MAN2A2: variants seen among roughly 807,000 people sequenced by gnomAD.
MAN2A2 encodes the protein alpha-mannosidase 2x.
MAN2A2 carries 79 observed loss-of-function variants against 126.8 expected under a neutral mutation model. That is an observed-to-expected ratio of 0.62 (90% CI 0.52 to 0.75). The LOEUF (loss-of-function observed/expected upper bound fraction) is 0.75, where lower values mean the gene tolerates loss of function less well. MAN2A2 is among the 30% of genes least tolerant of loss of function. MAN2A2 has a pLI of 0.00. For synonymous variants in MAN2A2, 671 were observed against 618.7 expected, an observed-to-expected ratio of 1.08 and a Z score of -1.25; for missense variants, 1,392 against 1,522.4, an observed-to-expected ratio of 0.91 and a Z score of 1.43.
At position 90,913,735 on chromosome 15, in the gene MAN2A2, G is replaced by A; in HGVS notation, c.2840G>A (p.Gly947Asp). The part of the protein sequence containing the change: ...RLTLHTAQAL[G>D]VSSLKDGQLE... ...ACGCTGCACACTGCCCAGGCCCTGG[G>A]TGTCTCTAGCCTCAAAGATGGTGAG... Residue 947 changes from glycine (G) to aspartate (D), a missense_variant, in exon 19 of 23, where the codon GGT (glycine) becomes GAT (aspartate). Transcript: ENST00000559717. The A allele has an allele frequency of 6.3e-7, 1 of 1,597,992 alleles. No homozygotes were observed. Among genetic ancestry groups the A allele is most frequent in the South Asian group, 1.1e-5 (1 of 88,892 alleles).
At position 90,910,584 on chromosome 15, in the gene MAN2A2, C is replaced by T. The variant is rs1224585050; in HGVS notation, c.1661C>T (p.Thr554Ile). The T allele has an allele frequency of 6.2e-7, 1 of 1,614,190 alleles. No individual in the cohort carries two copies. Among genetic ancestry groups the T allele is most frequent in the South Asian group, 1.1e-5 (1 of 91,086 alleles). ...LAGRYPLSDF[T>I]LLTEARRTLG... is the part of the protein sequence containing the mutation. ...GGCCGGTACCCACTGTCTGATTTCACCCTCCTGACGGAAGCTCGGCGCACA... is the reference window on the plus strand; with the variant it reads ...GGCCGGTACCCACTGTCTGATTTCATCCTCCTGACGGAAGCTCGGCGCACA... The change falls in exon 11 of 23, where the codon ACC becomes ATC. Residue 554 changes from threonine (T) to isoleucine (I), a missense_variant. Thr to Ile is a moderately conservative substitution (Grantham distance 89). Transcript: ENST00000559717.
At chr15:90,919,084 G>C (rs987688786) in intron 22 of MAN2A2, among the ~76,000 whole-genome samples, 1 of 152,228 alleles carries the variant, frequency 6.6e-6, no homozygotes, top group Non-Finnish European at 1.5e-5. Flanking sequence ...CCGGGTGCCA[G>C]GTCCTCTGCT....
At chr15:90,904,491 A>G in intron 2 of MAN2A2, 152 bp downstream of exon 2, 2 of 873,460 alleles carry the variant, frequency 2.3e-6, no homozygotes, top group Non-Finnish European at 3.4e-6. Context: ...CAGGTTTTGT[A>G]GAAACCCTCA....
chr15:90,916,380 A>T, intron 20 of MAN2A2, 124 bp downstream of exon 20: 1 of 1,292,228 alleles, frequency 7.7e-7, no homozygotes, highest in Non-Finnish European at 1.1e-6. Flanking sequence ...GTAGGGCTGA[A>T]TTCCTGGGGT....
At chr15:90,918,000 G>A (rs942432499) in intron 20 of MAN2A2, among the ~76,000 whole-genome samples, 194 bp from the exon 21 acceptor site, 3 of 152,170 alleles carry the variant, frequency 2.0e-5, no homozygotes, top group Non-Finnish European at 4.4e-5. Flanking sequence ...AGCCCTCTGC[G>A]TTAGGGGAGA....
chr15:90,908,459 A>T (rs2151300509), intron 8 of MAN2A2, among the ~76,000 whole-genome samples: 1 of 152,304 alleles, frequency 6.6e-6, no homozygotes, highest in South Asian at 2.1e-4. Context: ...TTTTCTACTG[A>T]TTTTGCCAAT....
intron 10 of MAN2A2, 53 bp downstream of exon 10, chr15:90,910,345 T>A: frequency 6.2e-7 from 1 of 1,601,342 alleles, no homozygotes; most frequent in Non-Finnish European, 8.5e-7. Context: ...GCCTTTGGGG[T>A]TTAAGGAGGG....
intron 14 of MAN2A2, 67 bp downstream of exon 14, chr15:90,911,617 C>T (rs567137157): frequency 2.5e-5 from 38 of 1,490,278 alleles, no homozygotes; most frequent in Admixed American, 6.1e-5. Context: ...CGCCCGGCGA[C>T]GCCAGCCTCC....
chr15:90,916,533 T>A, intron 20 of MAN2A2: 2 of 1,415,718 alleles, frequency 1.4e-6, no homozygotes, highest in South Asian at 2.4e-5. Flanking sequence ...CCCAGCATTC[T>A]CTAAGCCTGT....
chr15:90,903,138 CGACG>C, upstream of MAN2A2: 1 of 152,004 alleles, frequency 6.6e-6, no homozygotes, highest in Middle Eastern at 3.4e-3. Flanking sequence ...TCCCCGGGGC[CGACG>C]AAGTCGGAGC....
Position 90,913,822 on chromosome 15 carries a change from G to A in MAN2A2, c.2860+67G>A, listed in dbSNP as rs917386584. The A allele has an allele frequency of 2.7e-6, 4 of 1,495,538 alleles. No individual in the cohort carries two copies. The African/African-American group carries it at 5.6e-5, about 21-fold the overall frequency. 92.6% of individuals were successfully genotyped at this position (1,495,538 alleles called of 1,614,324 possible). ...AAGAAGCCCGTCCCCACCCTCAAGGGCTCCCCGCTCTGTTGGCCTCCCTTG... is the reference window on the plus strand; with the variant it reads ...AAGAAGCCCGTCCCCACCCTCAAGGACTCCCCGCTCTGTTGGCCTCCCTTG... On this transcript the variant is annotated intron_variant, in intron 19 of 22. Coordinates refer to ENST00000559717, the MANE Select transcript of MAN2A2 (RefSeq NM_006122.4).
At chr15:90,909,290 A>C (rs777552066) in intron 8 of MAN2A2, 37 bp from the exon 9 acceptor site, 1 of 1,583,712 alleles carries the variant, frequency 6.3e-7, no homozygotes, top group Admixed American at 1.7e-5. Context: ...TACTGATGAG[A>C]CTTCGTGGTG....
chr15:90,914,345 G>C (rs868364630), intron 19 of MAN2A2, among the ~76,000 whole-genome samples: 1 of 152,146 alleles, frequency 6.6e-6, no homozygotes, highest in Non-Finnish European at 1.5e-5. Flanking sequence ...AAGGCAAGAA[G>C]CATCAGGGTA....
At chr15:90,916,322 C>T in intron 20 of MAN2A2, 66 bp downstream of exon 20, 3 of 1,567,768 alleles carry the variant, frequency 1.9e-6, no homozygotes, top group Non-Finnish European at 2.6e-6. Context: ...CCGGGGGGTC[C>T]AGCCTAGGGC....
At position 90,904,531 on chromosome 15, in the gene MAN2A2, AG is replaced by A. The variant is rs2034101880; in HGVS notation, c.132+194del. Among the ~76,000 whole-genome samples the A allele has an allele frequency of 5.0e-5, 5 of 100,726 alleles. No homozygotes were observed. In the South Asian group the frequency reaches 1.4e-3, roughly 28 times the overall value. The allele number at this position is 100,726 out of a possible 152,430, so 66.1% of individuals were successfully genotyped here. A position where few individuals can be genotyped will look rare whatever the true frequency, so the allele number is the denominator to read the frequency against. Reference sequence around the variant, plus strand: ...AAAACAGTGATGGCGAAAAGAAGGAAGGAAGAAAAAATGTCAATGGCAATGA... The same window carrying A: ...AAAACAGTGATGGCGAAAAGAAGGAAGAAGAAAAAATGTCAATGGCAATGA... On this transcript the variant is annotated intron_variant, in intron 2 of 22. Transcript: ENST00000559717.
chr15:90,906,062 A>G, intron 5 of MAN2A2, 46 bp downstream of exon 5: 2 of 1,610,606 alleles, frequency 1.2e-6, no homozygotes, highest in East Asian at 2.2e-5. Flanking sequence ...TCTGAGCCCC[A>G]GGCTGGGTGG....
At position 90,912,845 on chromosome 15, in the gene MAN2A2, G is replaced by A. The variant is rs764257716; in HGVS notation, c.2470-32G>A. On this transcript the variant is annotated intron_variant, in intron 16 of 22. Coordinates refer to ENST00000559717, the MANE Select transcript of MAN2A2 (RefSeq NM_006122.4). ...ACCTTCCTGCTTTGCCCTCTGTGCT[G>A]TAGTTTCAACAGCAATCTGCTCTTT... 4.4e-6 allele frequency: 7 copies of A among 1,594,138 alleles called. No homozygotes were observed. In the South Asian group the frequency reaches 6.6e-5, roughly 15 times the overall value.
chr15:90,911,137 G>T, intron 12 of MAN2A2, 34 bp from the exon 13 acceptor site: 3 of 1,610,664 alleles, frequency 1.9e-6, no homozygotes, highest in Non-Finnish European at 2.5e-6. Flanking sequence ...CTGAGCCCAT[G>T]ATGGTTCTTC....
At chr15:90,909,849 C>T (rs575917668) in intron 9 of MAN2A2, among the ~76,000 whole-genome samples, 10 of 152,254 alleles carry the variant, frequency 6.6e-5, no homozygotes, top group African/African-American at 2.4e-4. Flanking sequence ...GTGATCCACT[C>T]GCCTCGGCCT....
Sources: allele counts gnomAD v4.1 joint callset (sites outside exome capture counted in the v4.1 genomes callset), GRCh38; gene constraint gnomAD v4.1.1; transcripts MANE v1.5; gene names NCBI Gene and HGNC (gene_info 2026-07-23, HGNC 2026-07-21).